Variants in ACADSB observed in about 807,000 individuals in gnomAD.
ACADSB encodes the protein acyl-CoA dehydrogenase short/branched chain, also known as short/branched chain specific acyl-CoA dehydrogenase, mitochondrial.
ACADSB carries 40 observed loss-of-function variants against 54.1 expected under a neutral mutation model. That is an observed-to-expected ratio of 0.74 (90% confidence interval 0.57 to 0.96). ACADSB has a LOEUF of 0.96. Ranked by LOEUF, ACADSB falls within the 40% of genes least tolerant of loss-of-function variation. The pLI is 0.00. For synonymous variants in ACADSB, 182 were observed against 182.8 expected (o/e 1.00, Z 0.03); for missense variants, 530 against 510.4 (o/e 1.04, Z -0.37).
intron 1 of ACADSB, among the ~76,000 whole-genome samples, chr10:123,019,679 C>T (rs1225024678): frequency 1.3e-5 from 2 of 152,194 alleles, no homozygotes; most frequent in East Asian, 3.8e-4. Context: ...ACAACTTTTA[C>T]AATATGATAC....
chr10:123,043,208 G>A (rs771653621), intron 6 of ACADSB, 37 bp downstream of exon 6: 10 of 1,611,028 alleles, frequency 6.2e-6, no homozygotes, highest in African/African-American at 2.7e-5. Flanking sequence ...AGACTGATGC[G>A]AAATAAGCCT....
intron 2 of ACADSB, among the ~76,000 whole-genome samples, chr10:123,034,755 A>G (rs943733501): frequency 6.6e-6 from 1 of 152,192 alleles, no homozygotes; most frequent in Non-Finnish European, 1.5e-5. Flanking sequence ...AAGAAAAGCA[A>G]TGCATATCCA....
chr10:123,036,010 T>G (rs1428559281), intron 2 of ACADSB, among the ~76,000 whole-genome samples: 1 of 152,232 alleles, frequency 6.6e-6, no homozygotes, highest in East Asian at 1.9e-4. Context: ...TTTGAATAAC[T>G]GAGAGAGGAC....
rs1349965251 is a variant in ACADSB at position 123,034,406 on chromosome 10, T to C, written c.93T>C (p.His31=). 2 of 1,613,832 alleles carry C rather than the reference T, an allele frequency of 1.2e-6. No homozygotes were observed. The highest frequency in any genetic ancestry group is 1.7e-6 in the Non-Finnish European group (2 of 1,179,938). ...TCLSSWKIPP[H]VSKSSQSEAL... ...TGTCTTCTTGGAAGATTCCTCCTCA[T>C]GTCTCAAAATCTTCCCAGTCAGAAG... Residue 31 remains histidine (H), a synonymous_variant, in exon 2 of 11, where the codon CAT becomes CAC. Transcript: ENST00000358776.
At chr10:123,042,734 C>G (rs1317235208) in intron 5 of ACADSB, among the ~76,000 whole-genome samples, 1 of 152,082 alleles carries the variant, frequency 6.6e-6, no homozygotes, top group Admixed American at 6.5e-5. Context: ...AGGCATGAGC[C>G]ACCGCACCTG....
At chr10:123,043,353 G>A (rs1399080508) in intron 6 of ACADSB, among the ~76,000 whole-genome samples, 182 bp downstream of exon 6, 1 of 152,252 alleles carries the variant, frequency 6.6e-6, no homozygotes, top group Admixed American at 6.5e-5. Context: ...TTTCACAAAA[G>A]TGGAAACCTT....
chr10:123,044,527 A>G, intron 7 of ACADSB, 42 bp downstream of exon 7: 1 of 1,516,016 alleles, frequency 6.6e-7, no homozygotes, highest in Non-Finnish European at 9.2e-7. Flanking sequence ...AGTCAATTAA[A>G]CTGTGAAAAG....
intron 1 of ACADSB, among the ~76,000 whole-genome samples, chr10:123,030,112 CA>C (rs1411177177): frequency 1.3e-5 from 2 of 152,186 alleles, no homozygotes; most frequent in Non-Finnish European, 2.9e-5. Flanking sequence ...TGAATTTCAA[CA>C]TCTGAATTTT....
At chr10:123,037,952 CT>C (rs1564750857) in intron 3 of ACADSB, 105 bp downstream of exon 3, 6 of 887,240 alleles carry the variant, frequency 6.8e-6, no homozygotes, top group African/African-American at 1.7e-5. Context: ...TATCTGTTTT[CT>C]TTTTTTGGTT....
At chr10:123,050,851 A>C (rs1850620901) in intron 8 of ACADSB, among the ~76,000 whole-genome samples, 198 bp from the exon 9 acceptor site, 1 of 152,206 alleles carries the variant, frequency 6.6e-6, no homozygotes. Flanking sequence ...TTTTCTAGGA[A>C]AAGAGGATTT....
chr10:123,043,279 A>G (rs1296004436), intron 6 of ACADSB, 108 bp downstream of exon 6: 2 of 1,360,592 alleles, frequency 1.5e-6, no homozygotes, highest in African/African-American at 2.9e-5. Context: ...CTATAAGCAC[A>G]CGCAGGAGAG....
chr10:123,042,483 G>A (rs1237712079), intron 5 of ACADSB, among the ~76,000 whole-genome samples: 2 of 108,784 alleles, frequency 1.8e-5, no homozygotes, highest in East Asian at 2.6e-4. Context: ...TTTTTGAGAC[G>A]GAGTTTCGCT....
chr10:123,027,544 C>T (rs1336377498), intron 1 of ACADSB: 4 of 455,256 alleles, frequency 8.8e-6, no homozygotes, highest in African/African-American at 6.0e-5. Context: ...GTAAGAAGTG[C>T]CTTTTGCCTC....
intron 1 of ACADSB, among the ~76,000 whole-genome samples, chr10:123,012,776 G>C (rs1270224286): frequency 6.6e-6 from 1 of 152,206 alleles, no homozygotes; most frequent in Non-Finnish European, 1.5e-5. Context: ...AGATTGAGCA[G>C]CGGCAAGATT....
At chr10:123,047,334 C>A in intron 8 of ACADSB, 36 bp downstream of exon 8, 1 of 1,373,520 alleles carries the variant, frequency 7.3e-7, no homozygotes, top group Non-Finnish European at 1.0e-6. Context: ...CTGTGTTAGA[C>A]TTCCCCAGCT....
intron 1 of ACADSB, among the ~76,000 whole-genome samples, chr10:123,027,957 C>T (rs1323549043): frequency 6.6e-6 from 1 of 152,174 alleles, no homozygotes; most frequent in Non-Finnish European, 1.5e-5. Flanking sequence ...GACCCAGGAG[C>T]TCATCTGATT....
intron 2 of ACADSB, among the ~76,000 whole-genome samples, chr10:123,036,654 A>G (rs17104498): frequency 0.1 from 15,715 of 152,240 alleles, 948 homozygotes; most frequent in East Asian, 0.14. Flanking sequence ...AATAAAGGAA[A>G]TAGTTTCAGA....
intron 1 of ACADSB, among the ~76,000 whole-genome samples, chr10:123,026,460 C>G (rs1850253279): frequency 1.3e-5 from 2 of 152,048 alleles, no homozygotes; most frequent in Admixed American, 1.3e-4. Context: ...ACCACCACTA[C>G]CATCTAGATG....
intron 8 of ACADSB, 29 bp from the exon 9 acceptor site, chr10:123,051,020 A>G (rs779357737): frequency 6.2e-7 from 1 of 1,608,350 alleles, no homozygotes; most frequent in South Asian, 1.1e-5. Flanking sequence ...TGAAATCATA[A>G]TTCTCTAACT....
Sources: allele counts gnomAD v4.1 joint callset (sites outside exome capture counted in the v4.1 genomes callset), GRCh38; gene constraint gnomAD v4.1.1; transcripts MANE v1.5; gene names NCBI Gene and HGNC (gene_info 2026-07-23, HGNC 2026-07-21).